PRKN: variants seen among roughly 807,000 people sequenced by gnomAD.
The protein encoded by PRKN is parkin RBR E3 ubiquitin protein ligase.
PRKN carries 56 observed loss-of-function variants against 59.5 expected under a neutral mutation model. That is an observed-to-expected ratio of 0.94 (90% confidence interval 0.76 to 1.18). The LOEUF (loss-of-function observed/expected upper bound fraction) is 1.18. PRKN is among the 50% of genes most tolerant of loss of function. PRKN has a pLI of 0.00. For missense variants in PRKN, 657 were observed against 596.4 expected, an observed-to-expected ratio of 1.10 and a Z score of -1.06; for synonymous variants, 250 against 222.1, an observed-to-expected ratio of 1.13 and a Z score of -1.12.
chr6:161,696,468 C>G (rs533767901), intron 7 of PRKN, among the ~76,000 whole-genome samples: 239 of 152,294 alleles, frequency 1.6e-3, no homozygotes, highest in African/African-American at 4.6e-3. Context: ...TTTCAACATG[C>G]CAGATGTCCA....
chr6:162,430,780 C>T (rs564866441), intron 2 of PRKN, among the ~76,000 whole-genome samples: 2 of 152,132 alleles, frequency 1.3e-5, no homozygotes, highest in East Asian at 1.9e-4. Context: ...TTAGAAAAGA[C>T]CAAATGGAGT....
intron 6 of PRKN, among the ~76,000 whole-genome samples, chr6:161,805,080 C>T (rs1356931666): frequency 6.6e-6 from 1 of 152,108 alleles, no homozygotes; most frequent in Non-Finnish European, 1.5e-5. Context: ...CACTTTGCCT[C>T]CCACTACAAA....
intron 5 of PRKN, among the ~76,000 whole-genome samples, chr6:162,030,214 A>G (rs534997188): frequency 3.9e-5 from 6 of 152,176 alleles, no homozygotes. Flanking sequence ...CTTTTAATAC[A>G]TCCCTACAAC....
At chr6:161,957,283 C>CCAT (rs1200429246) in intron 6 of PRKN, among the ~76,000 whole-genome samples, 1 of 152,150 alleles carries the variant, frequency 6.6e-6, no homozygotes, top group Non-Finnish European at 1.5e-5. Context: ...TAAGTAGGTA[C>CCAT]CATCAACATC....
At chr6:161,613,906 C>G (rs569114765) in intron 7 of PRKN, among the ~76,000 whole-genome samples, 4 of 152,314 alleles carry the variant, frequency 2.6e-5, no homozygotes, top group African/African-American at 9.6e-5. Context: ...TGCCCAGAAT[C>G]CCAAAGGCCA....
At chr6:161,604,080 G>A (rs1226314163) in intron 7 of PRKN, among the ~76,000 whole-genome samples, 1 of 152,184 alleles carries the variant, frequency 6.6e-6, no homozygotes, top group Non-Finnish European at 1.5e-5. Context: ...ATAAAATTCT[G>A]TTGTTTATAA....
chr6:161,956,126 C>A (rs188290200), intron 6 of PRKN, among the ~76,000 whole-genome samples: 1 of 152,308 alleles, frequency 6.6e-6, no homozygotes, highest in Non-Finnish European at 1.5e-5. Context: ...CAAGTTTTAT[C>A]TCTTGTAATT....
chr6:162,411,333 G>A (rs1047665656), intron 2 of PRKN, among the ~76,000 whole-genome samples: 2 of 151,998 alleles, frequency 1.3e-5, no homozygotes, highest in African/African-American at 2.4e-5. Context: ...CTCTTATACC[G>A]GAATGACCAT....
intron 4 of PRKN, among the ~76,000 whole-genome samples, chr6:162,086,614 G>C (rs1339505886): frequency 6.6e-6 from 1 of 152,106 alleles, no homozygotes; most frequent in Non-Finnish European, 1.5e-5. Context: ...CTAAATCCCT[G>C]GACAAAGATT....
intron 2 of PRKN, among the ~76,000 whole-genome samples, chr6:162,401,998 C>T (rs1787818213): frequency 6.6e-6 from 1 of 151,998 alleles, no homozygotes; most frequent in South Asian, 2.1e-4. Context: ...CCCAGTAATC[C>T]CAGCACTTTG....
chr6:162,591,010 T>C (rs1022815333), intron 1 of PRKN, among the ~76,000 whole-genome samples: 3 of 151,946 alleles, frequency 2.0e-5, no homozygotes, highest in Admixed American at 6.6e-5. Flanking sequence ...CACTGTCTCA[T>C]GGGGGGCCCT....
intron 1 of PRKN, among the ~76,000 whole-genome samples, chr6:162,506,012 G>A (rs6916874): frequency 0.19 from 28,437 of 152,038 alleles, 2,907 homozygotes; most frequent in East Asian, 0.45. Flanking sequence ...AAGGAAGGGA[G>A]CTTTAACTGA....
At chr6:161,730,315 T>G (rs1403395724) in intron 7 of PRKN, among the ~76,000 whole-genome samples, 2 of 151,218 alleles carry the variant, frequency 1.3e-5, no homozygotes, top group Non-Finnish European at 2.9e-5. Flanking sequence ...TTGTATTCTT[T>G]CTGGTGTGTT....
intron 7 of PRKN, among the ~76,000 whole-genome samples, chr6:161,636,129 C>T (rs1783507698): frequency 6.6e-6 from 1 of 152,226 alleles, no homozygotes; most frequent in Non-Finnish European, 1.5e-5. Flanking sequence ...GAGCTAGAGA[C>T]AAGGCCACCC....
intron 9 of PRKN, among the ~76,000 whole-genome samples, chr6:161,514,257 A>C (rs1349240198): frequency 6.6e-6 from 1 of 152,138 alleles, no homozygotes; most frequent in East Asian, 1.9e-4. Flanking sequence ...AAAGATATTT[A>C]TTTATCCAAC....
chr6:162,481,612 G>A (rs1045722329), intron 1 of PRKN, among the ~76,000 whole-genome samples: 9 of 152,154 alleles, frequency 5.9e-5, no homozygotes, highest in Non-Finnish European at 8.8e-5. Flanking sequence ...TTGCTGCTGC[G>A]TGCCATTAGT....
chr6:161,482,702 C>G, intron 9 of PRKN, among the ~76,000 whole-genome samples: 1 of 152,198 alleles, frequency 6.6e-6, no homozygotes, highest in Non-Finnish European at 1.5e-5. Flanking sequence ...GAGTACGTGG[C>G]TGTTCTCCAC....
At position 162,513,204 on chromosome 6, in the gene PRKN, C is replaced by T. The variant is rs146107609; in HGVS notation, c.8-69731G>A. Among the ~76,000 whole-genome samples, 357 of 152,212 alleles carry T rather than the reference C, an allele frequency of 2.3e-3. 2 individuals carry two copies. Among genetic ancestry groups the T allele is most frequent in the African/African-American group, 7.7e-3 (321 of 41,546 alleles). On this transcript the variant is annotated intron_variant, in intron 1 of 11. Transcript: ENST00000366898. ...GACAAAAAAAGGCATTCCAGCTGGG[C>T]GTGGTAGCTCATGCCTATAAGCCCA...
chr6:162,648,942 A>C (rs1778307399), intron 1 of PRKN, among the ~76,000 whole-genome samples: 1 of 152,154 alleles, frequency 6.6e-6, no homozygotes, highest in African/African-American at 2.4e-5. Flanking sequence ...TCATCTAATC[A>C]GTTGAAGGTC....
Sources: gnomAD v4.1 joint callset for allele counts (sites outside exome capture counted in the v4.1 genomes callset) on GRCh38, gnomAD v4.1.1 for gene constraint, MANE v1.5 for transcripts, NCBI Gene and HGNC (gene_info 2026-07-23, HGNC 2026-07-21) for gene names.